IGSF21: variants seen among roughly 807,000 people sequenced by gnomAD.
IGSF21 encodes immunoglobin superfamily member 21, also known as immunoglobulin superfamily member 21.
Under a neutral mutation model 46.8 loss-of-function variants are expected in IGSF21, and 28 were observed. The observed-to-expected ratio is 0.60, with a 90% CI of 0.44 to 0.82. The LOEUF (loss-of-function observed/expected upper bound fraction) is 0.82, where lower values mean the gene tolerates loss of function less well. IGSF21 is among the 40% of genes least tolerant of loss of function. IGSF21 has a pLI of 0.00. For missense variants in IGSF21, 624 were observed against 665.5 expected, an observed-to-expected ratio of 0.94 and a Z score of 0.69; for synonymous variants, 284 against 273.6, an observed-to-expected ratio of 1.04 and a Z score of -0.38.
intron 6 of IGSF21, among the ~76,000 whole-genome samples, chr1:18,373,691 C>T (rs1463632737): frequency 3.3e-5 from 5 of 152,254 alleles, no homozygotes; most frequent in South Asian, 4.1e-4. Flanking sequence ...GCCCCACCTC[C>T]ACCCTTGGGC....
intron 3 of IGSF21, among the ~76,000 whole-genome samples, chr1:18,300,826 AG>A (rs940901092): frequency 4.6e-5 from 7 of 152,186 alleles, no homozygotes; most frequent in African/African-American, 1.2e-4. Flanking sequence ...TAATTAGGAA[AG>A]GGGGGCCCCC....
intron 1 of IGSF21, chr1:18,112,962 C>G (rs1391190295): frequency 6.6e-6 from 1 of 152,248 alleles, no homozygotes; most frequent in Non-Finnish European, 1.5e-5. Flanking sequence ...ACCTCCTTTC[C>G]TCCCCCATCC....
In IGSF21 at chr1:18,300,097, G is replaced by T. The variant is rs774984114; in HGVS notation, c.305+8110G>T. Among the ~76,000 whole-genome samples the T allele has an allele frequency of 9.4e-4, 143 of 152,174 alleles. No individual in the cohort carries two copies. In the Middle Eastern group the frequency reaches 0.01, roughly 11 times the overall value. On this transcript the variant is annotated intron_variant, in intron 3 of 9. Transcript: ENST00000251296. ...AAATATAAAATTACATATCAACTGA[G>T]CAACAAGCCACCCACTGGTGGTGTC...
chr1:18,345,637 G>C (rs1017911113), intron 4 of IGSF21, among the ~76,000 whole-genome samples: 1 of 152,120 alleles, frequency 6.6e-6, no homozygotes, highest in African/African-American at 2.4e-5. Context: ...AACTACTTCG[G>C]CCTCCCAAGT....
At chr1:18,162,334 AC>A in intron 1 of IGSF21, among the ~76,000 whole-genome samples, 1 of 152,324 alleles carries the variant, frequency 6.6e-6, no homozygotes, top group Admixed American at 6.5e-5. Flanking sequence ...GGTGTGAGCC[AC>A]CGCACCTGGC....
chr1:18,230,282 C>T (rs1354604939), intron 2 of IGSF21, among the ~76,000 whole-genome samples: 1 of 152,168 alleles, frequency 6.6e-6, no homozygotes, highest in Non-Finnish European at 1.5e-5. Context: ...CGCCATCCTC[C>T]GGTAGGGAGA....
intron 2 of IGSF21, among the ~76,000 whole-genome samples, chr1:18,259,816 G>A (rs1370295481): frequency 6.6e-6 from 1 of 152,176 alleles, no homozygotes; most frequent in Non-Finnish European, 1.5e-5. Context: ...AGCATGTGTA[G>A]GCAATGGCGG....
chr1:18,159,848 A>AT (rs906470871), intron 1 of IGSF21, among the ~76,000 whole-genome samples: 3 of 151,912 alleles, frequency 2.0e-5, no homozygotes, highest in African/African-American at 7.3e-5. Flanking sequence ...CGCCCGGCTA[A>AT]TTTTTTGAAT....
At chr1:18,374,437 G>A (rs2086259571) in intron 6 of IGSF21, among the ~76,000 whole-genome samples, 1 of 152,124 alleles carries the variant, frequency 6.6e-6, no homozygotes, top group South Asian at 2.1e-4. Flanking sequence ...TGTTCCCATG[G>A]TGCACTTGGG....
chr1:18,327,982 A>C (rs1396018076), intron 3 of IGSF21, among the ~76,000 whole-genome samples: 1 of 152,246 alleles, frequency 6.6e-6, no homozygotes, highest in East Asian at 1.9e-4. Flanking sequence ...AAAACCCCTA[A>C]GACTCGACAG....
intron 1 of IGSF21, among the ~76,000 whole-genome samples, chr1:18,185,857 C>A (rs1236035694): frequency 6.6e-6 from 1 of 152,226 alleles, no homozygotes; most frequent in Admixed American, 6.5e-5. Flanking sequence ...ACTGTTGTTG[C>A]CATTTCACTG....
At chr1:18,281,357 C>T (rs1228668307) in intron 2 of IGSF21, among the ~76,000 whole-genome samples, 2 of 151,872 alleles carry the variant, frequency 1.3e-5, no homozygotes, top group Non-Finnish European at 2.9e-5. Flanking sequence ...GTCAGGAGTT[C>T]GAGACCAGCC....
chr1:18,216,275 G>T (rs542966901), intron 1 of IGSF21, among the ~76,000 whole-genome samples: 1 of 152,274 alleles, frequency 6.6e-6, no homozygotes, highest in Non-Finnish European at 1.5e-5. Flanking sequence ...TGATGAGGGT[G>T]CTGCAAGGTG....
At chr1:18,313,822 C>T (rs551251974) in intron 3 of IGSF21, among the ~76,000 whole-genome samples, 38 of 152,322 alleles carry the variant, frequency 2.5e-4, no homozygotes, top group Admixed American at 9.1e-4. Flanking sequence ...TGGGCCACTG[C>T]GCTCTCTCAC....
Position 18,157,649 on chromosome 1 carries a change from G to A in IGSF21, c.70+49451G>A, listed in dbSNP as rs115864312. On this transcript the variant is annotated intron_variant, in intron 1 of 9. Coordinates refer to ENST00000251296, the MANE Select transcript of IGSF21 (RefSeq NM_032880.5). Reference sequence around the variant, plus strand: ...AGACTGCAACCTGCAAGTCCAGCCCGTCTTCCTCCCAGCTGCAGCCACTAA... The same window carrying A: ...AGACTGCAACCTGCAAGTCCAGCCCATCTTCCTCCCAGCTGCAGCCACTAA... 5.1e-3 allele frequency among the ~76,000 whole-genome samples: 775 copies of A among 152,270 alleles called. 9 individuals carry two copies. Among genetic ancestry groups the A allele is most frequent in the African/African-American group, 0.018 (739 of 41,560 alleles).
Position 18,285,012 on chromosome 1 carries a change from G to A in IGSF21, c.184-6854G>A, listed in dbSNP as rs535885438. ...TGTAGACAGGCAATTTAAACAGCCG[G>A]CAAAATACACCAGCAGTTTTCACTC... On this transcript the variant is annotated intron_variant, in intron 2 of 9. Transcript: ENST00000251296. 9.2e-5 allele frequency among the ~76,000 whole-genome samples: 14 copies of A among 152,278 alleles called. No homozygotes were observed. In the East Asian group the frequency reaches 1.7e-3, roughly 19 times the overall value.
intron 3 of IGSF21, among the ~76,000 whole-genome samples, chr1:18,299,480 C>T (rs2085341271): frequency 1.3e-5 from 2 of 152,316 alleles, no homozygotes; most frequent in South Asian, 4.2e-4. Flanking sequence ...GCTCCCTTCT[C>T]CCTCTGTATA....
intron 2 of IGSF21, chr1:18,278,787 C>T (rs2085129929): frequency 1.7e-5 from 8 of 468,948 alleles, no homozygotes; most frequent in South Asian, 1.1e-4. Flanking sequence ...AACTCCTTCG[C>T]TCAAGCAATC....
intron 6 of IGSF21, among the ~76,000 whole-genome samples, chr1:18,371,010 G>T (rs2086218547): frequency 6.6e-6 from 1 of 152,110 alleles, no homozygotes; most frequent in African/African-American, 2.4e-5. Flanking sequence ...TTGAAAAACT[G>T]GCAGTTTCTT....
Sources: gnomAD v4.1 joint callset for allele counts (sites outside exome capture counted in the v4.1 genomes callset) on GRCh38, gnomAD v4.1.1 for gene constraint, MANE v1.5 for transcripts, NCBI Gene and HGNC (gene_info 2026-07-23, HGNC 2026-07-21) for gene names.